The following FAM167A variants were observed in gnomAD, a reference collection of about 807,000 sequenced individuals.
FAM167A encodes family with sequence similarity 167 member A.
A neutral mutation model predicts 14.9 loss-of-function variants in FAM167A; 23 were observed. That is an observed-to-expected ratio of 1.55 (90% CI 1.11 to 2.19). The LOEUF is 2.19. FAM167A is among the 30% of genes most tolerant of loss of function. FAM167A has a pLI of 0.00. For synonymous variants in FAM167A, 174 were observed against 117.7 expected, an observed-to-expected ratio of 1.48 and a Z score of -3.10; for missense variants, 401 against 281.5, an observed-to-expected ratio of 1.42 and a Z score of -3.04.
At chr8:11,434,990 C>A (rs1050463973) in intron 2 of FAM167A, 15 of 455,740 alleles carry the variant, frequency 3.3e-5, no homozygotes, top group Middle Eastern at 3.2e-4. Flanking sequence ...GTCCTCTGCA[C>A]CTCAGCTCCC....
In FAM167A at chr8:11,424,432, G is replaced by C; in HGVS notation, c.586C>G (p.Leu196Val). 2 of 1,614,080 alleles carry C rather than the reference G, an allele frequency of 1.2e-6. No homozygotes were observed. Among genetic ancestry groups the C allele is most frequent in the Non-Finnish European group, 1.7e-6 (2 of 1,180,010 alleles). ...ATCTTGGTCACGCCAATAAGCTTGA[G>C]TGGTGTGGAGAGGCTGAAGGAGGAG... is the stretch of plus-strand genomic sequence containing the variant. ...LASSFSLSTP[L>V]KLIGVTKMNI... The change falls in exon 3 of 3, where the codon CTC (leucine) becomes GTC (valine). Residue 196 changes from leucine to valine, a missense_variant. By Grantham distance (32) the Leu-to-Val change is conservative. Coordinates refer to ENST00000284486, the MANE Select transcript of FAM167A (RefSeq NM_053279.3).
At chr8:11,463,818 G>A (rs1407420974) in intron 1 of FAM167A, among the ~76,000 whole-genome samples, 1 of 152,216 alleles carries the variant, frequency 6.6e-6, no homozygotes, top group Non-Finnish European at 1.5e-5. Context: ...CGCTGGGGAG[G>A]AGGATCACAC....
chr8:11,469,056 G>A (rs1407829965), upstream of FAM167A, among the ~76,000 whole-genome samples: 1 of 152,212 alleles, frequency 6.6e-6, no homozygotes, highest in African/African-American at 2.4e-5. Flanking sequence ...TGTAGCCATA[G>A]AAATAATATT....
intron 2 of FAM167A, among the ~76,000 whole-genome samples, chr8:11,430,728 C>A (rs905523936): frequency 6.6e-6 from 1 of 152,090 alleles, no homozygotes; most frequent in East Asian, 1.9e-4. Context: ...TTCCTTACTT[C>A]CAAGCTTTAC....
chr8:11,439,685 G>T (rs1806311375), intron 2 of FAM167A, among the ~76,000 whole-genome samples: 1 of 152,188 alleles, frequency 6.6e-6, no homozygotes, highest in Admixed American at 6.5e-5. Context: ...AAATATCAGT[G>T]GGTGCCCAGG....
At chr8:11,449,498 C>T (rs1806936391) in intron 1 of FAM167A, among the ~76,000 whole-genome samples, 1 of 152,204 alleles carries the variant, frequency 6.6e-6, no homozygotes, top group South Asian at 2.1e-4. Context: ...ACACTCTAAA[C>T]AAACGGGCTT....
At chr8:11,436,676 A>G (rs888315595) in intron 2 of FAM167A, among the ~76,000 whole-genome samples, 2 of 152,204 alleles carry the variant, frequency 1.3e-5, no homozygotes, top group Non-Finnish European at 2.9e-5. Flanking sequence ...CAAGGTGATA[A>G]CTGTCCTATG....
chr8:11,444,779 C>A lies in FAM167A; in HGVS notation c.-368G>T. ...GCAGGAAGAAGGCCCAGAGCTCTCTCTTCTCGGGAAGGGCAGGTGGCTGGA... is the reference window on the plus strand; with the variant it reads ...GCAGGAAGAAGGCCCAGAGCTCTCTATTCTCGGGAAGGGCAGGTGGCTGGA... On this transcript the variant is annotated 5_prime_UTR_variant, in exon 2 of 3. Transcript: ENST00000284486. The A allele has an allele frequency of 9.9e-7, 1 of 1,010,944 alleles. No individual in the cohort carries two copies. Among genetic ancestry groups the A allele is most frequent in the Non-Finnish European group, 1.2e-6 (1 of 846,950 alleles). The allele number at this position is 1,010,944 out of a possible 1,614,324, so 62.6% of individuals were successfully genotyped here. A position where few individuals can be genotyped will look rare whatever the true frequency, so the allele number is the denominator to read the frequency against.
chr8:11,443,636 C>T, intron 2 of FAM167A: 1 of 195,770 alleles, frequency 5.1e-6, no homozygotes. Context: ...AAGAGTGGTC[C>T]CCGGAGTGGC....
intron 2 of FAM167A, chr8:11,433,825 A>C (rs1805790090): frequency 6.6e-6 from 1 of 152,224 alleles, no homozygotes; most frequent in South Asian, 2.1e-4. Context: ...AACATGTTCC[A>C]CTGTCCGACG....
At chr8:11,428,260 G>T (rs1324980088) in intron 2 of FAM167A, among the ~76,000 whole-genome samples, 1 of 152,194 alleles carries the variant, frequency 6.6e-6, no homozygotes, top group African/African-American at 2.4e-5. Flanking sequence ...TGGGGTAGCA[G>T]GAAGGAAGGG....
At chr8:11,442,173 T>G (rs540044323) in intron 2 of FAM167A, among the ~76,000 whole-genome samples, 1 of 152,332 alleles carries the variant, frequency 6.6e-6, no homozygotes, top group South Asian at 2.1e-4. Flanking sequence ...TGGGCCACCT[T>G]CCTCGCTTGG....
Position 11,455,698 on chromosome 8 carries a change from G to C in FAM167A, c.-397-10890C>G, listed in dbSNP as rs547498686. Among the ~76,000 whole-genome samples the C allele has an allele frequency of 2.1e-5, 3 of 140,420 alleles. No homozygotes were observed. The East Asian group carries it at 6.9e-4, about 32-fold the overall frequency. 92.1% of individuals were successfully genotyped at this position (140,420 alleles called of 152,430 possible). ...AATGTGAGTGTGGGTGTGGGGGATG[G>C]TTGCTCTGCGGGGTGTATGAGTGTG... On this transcript the variant is annotated intron_variant, in intron 1 of 2. Transcript: ENST00000284486.
At chr8:11,431,016 G>C (rs180975236) in intron 2 of FAM167A, among the ~76,000 whole-genome samples, 163 of 152,300 alleles carry the variant, frequency 1.1e-3, no homozygotes, top group Non-Finnish European at 7.2e-4. Context: ...GTCCCGGAAA[G>C]TTAAACAGAA....
At chr8:11,439,312 G>A (rs773332919) in intron 2 of FAM167A, among the ~76,000 whole-genome samples, 9 of 152,218 alleles carry the variant, frequency 5.9e-5, no homozygotes, top group African/African-American at 1.4e-4. Flanking sequence ...ACTTCCCGTC[G>A]GAAGACACTG....
chr8:11,464,778 G>A (rs1807686767), intron 1 of FAM167A, among the ~76,000 whole-genome samples: 1 of 152,202 alleles, frequency 6.6e-6, no homozygotes, highest in South Asian at 2.1e-4. Flanking sequence ...AGCAAGATTT[G>A]CCTAGAGAAC....
At chr8:11,428,314 C>T (rs979171943) in intron 2 of FAM167A, among the ~76,000 whole-genome samples, 2 of 152,156 alleles carry the variant, frequency 1.3e-5, no homozygotes, top group Non-Finnish European at 2.9e-5. Context: ...GGTCAGAGAA[C>T]AATTTACTCT....
At position 11,444,391 on chromosome 8, in the gene FAM167A, G is replaced by T; in HGVS notation, c.21C>A (p.His7Gln). 6.4e-7 allele frequency: 1 copy of T among 1,557,190 alleles called. No homozygotes were observed. Among genetic ancestry groups the T allele is most frequent in the Non-Finnish European group, 8.7e-7 (1 of 1,151,190 alleles). The change falls in exon 2 of 3, where the codon CAC becomes CAA. Residue 7 changes from histidine to glutamine, a missense_variant. Coordinates refer to ENST00000284486, the MANE Select transcript of FAM167A (RefSeq NM_053279.3). ...CCTCTTCTGCACCCACTTCTTCCAC[G>T]TGGATCTGGGGCACAGACATTCTAC... is the stretch of plus-strand genomic sequence containing the variant. MSVPQI[H>Q]VEEVGAEEGA...
chr8:11,460,231 G>A (rs1035578552), intron 1 of FAM167A, among the ~76,000 whole-genome samples: 10 of 152,232 alleles, frequency 6.6e-5, no homozygotes, highest in African/African-American at 2.2e-4. Flanking sequence ...GGCAGCCCTC[G>A]GTGCCTCCTG....
Sources: gnomAD v4.1 joint callset for allele counts (sites outside exome capture counted in the v4.1 genomes callset) on GRCh38, gnomAD v4.1.1 for gene constraint, MANE v1.5 for transcripts, NCBI Gene and HGNC (gene_info 2026-07-23, HGNC 2026-07-21) for gene names.